Variants in PDZD2 observed in about 807,000 individuals in gnomAD.
PDZD2 encodes PDZ domain containing 2, also known as PDZ domain-containing protein 2.
Under a neutral mutation model 220.7 loss-of-function variants are expected in PDZD2, and 90 were observed. That is an observed-to-expected ratio of 0.41 (90% CI 0.34 to 0.49). The LOEUF (loss-of-function observed/expected upper bound fraction) is 0.49. Among genes scored for constraint, PDZD2 ranks in the 20% least tolerant of loss-of-function variants. The pLI is 0.28. For missense variants in PDZD2, 3,174 were observed against 3,608.5 expected, an observed-to-expected ratio of 0.88 and a Z score of 3.08; for synonymous variants, 1,375 against 1,450.5, an observed-to-expected ratio of 0.95 and a Z score of 1.18.
intron 2 of PDZD2, among the ~76,000 whole-genome samples, chr5:31,837,170 A>G (rs1756996391): frequency 6.6e-6 from 1 of 152,184 alleles, no homozygotes; most frequent in African/African-American, 2.4e-5. Flanking sequence ...CTCAATGAGA[A>G]TATCAGCCTG....
At chr5:32,068,452 A>C (rs1581414706) in intron 14 of PDZD2, among the ~76,000 whole-genome samples, 1 of 152,238 alleles carries the variant, frequency 6.6e-6, no homozygotes, top group African/African-American at 2.4e-5. Flanking sequence ...ACTATTACAT[A>C]GTTCAGCTGA....
chr5:32,002,914 A>C (rs1010067664), intron 5 of PDZD2, among the ~76,000 whole-genome samples: 1 of 93,974 alleles, frequency 1.1e-5, no homozygotes, highest in African/African-American at 4.2e-5. Flanking sequence ...CCCACCACAC[A>C]CACACCACAC....
intron 19 of PDZD2, among the ~76,000 whole-genome samples, chr5:32,082,057 T>C (rs1396985221): frequency 2.1e-5 from 3 of 143,658 alleles, no homozygotes; most frequent in Admixed American, 7.2e-5. Flanking sequence ...AGTCTCCCTC[T>C]GTCACCCAGG....
At chr5:31,851,858 A>AT (rs780980919) in intron 2 of PDZD2, among the ~76,000 whole-genome samples, 12,360 of 147,748 alleles carry the variant, frequency 0.084, 594 homozygotes, top group Middle Eastern at 0.15. Context: ...ATGTGGTCAC[A>AT]TTTTTTTTTT....
chr5:32,094,261 A>G (rs1415232080), intron 21 of PDZD2, among the ~76,000 whole-genome samples: 1 of 152,252 alleles, frequency 6.6e-6, no homozygotes, highest in Non-Finnish European at 1.5e-5. Context: ...CAGTTGTGAC[A>G]ATAAACATTG....
chr5:31,974,325 G>A (rs1338934850), intron 2 of PDZD2, among the ~76,000 whole-genome samples: 1 of 151,862 alleles, frequency 6.6e-6, no homozygotes, highest in East Asian at 1.9e-4. Context: ...CAGGCTGGGC[G>A]ACAGAGTGAG....
intron 1 of PDZD2, among the ~76,000 whole-genome samples, chr5:31,758,526 G>T (rs1482843250): frequency 6.6e-6 from 1 of 152,234 alleles, no homozygotes; most frequent in African/African-American, 2.4e-5. Context: ...AAGAGGGGAG[G>T]AGGGACATGA....
chr5:32,002,916 A>C (rs1043532740), intron 5 of PDZD2, among the ~76,000 whole-genome samples: 3 of 71,840 alleles, frequency 4.2e-5, no homozygotes, highest in African/African-American at 1.7e-4. Context: ...CACCACACAC[A>C]CACCACACAC....
In PDZD2 at chr5:32,073,458, C is replaced by T. The variant is rs571525550; in HGVS notation, c.2726-374C>T. Among the ~76,000 whole-genome samples the T allele has an allele frequency of 4.9e-3, 753 of 152,250 alleles. 5 individuals are homozygous for T. Among genetic ancestry groups the T allele is most frequent in the Non-Finnish European group, 6.0e-3 (410 of 68,020 alleles). ...GGTGTGTGGGACATGTCATCAGTCC[C>T]CAGGCATCCTTCTATGGAGGAATTC... On this transcript the variant is annotated intron_variant, in intron 17 of 24. Coordinates refer to ENST00000438447, the MANE Select transcript of PDZD2 (RefSeq NM_178140.4).
Position 32,090,954 on chromosome 5 carries a change from A to G in PDZD2, c.7506A>G (p.Ser2502=), listed in dbSNP as rs934867173. ...ACAAGCTCTGCAGCGAGGATTACTC[A>G]GCAGGGCCGAGCGCCGTGCTCTTCA... ...DLDKLCSEDY[S]AGPSAVLFKT... The change falls in exon 20 of 25, where the codon TCA becomes TCG. Residue 2502 remains serine (S), a synonymous_variant. Transcript: ENST00000438447. The surrounding 1 kb of genome is among the most constrained non-coding windows in gnomAD (Gnocchi z 4.3). 6.2e-7 allele frequency: 1 copy of G among 1,613,818 alleles called. No homozygotes were observed. The highest frequency in any genetic ancestry group is 8.5e-7 in the Non-Finnish European group (1 of 1,180,010).
chr5:31,858,226 G>T (rs1580912651), intron 2 of PDZD2, among the ~76,000 whole-genome samples: 1 of 152,178 alleles, frequency 6.6e-6, no homozygotes, highest in Non-Finnish European at 1.5e-5. Flanking sequence ...GCCTCCCAAA[G>T]TGCTGGGATT....
chr5:31,799,435 C>T lies in PDZD2; in HGVS notation c.187C>T (p.Pro63Ser). Residue 63 changes from proline (P) to serine (S), a missense_variant, in exon 2 of 25, where the codon CCC (proline) becomes TCC (serine). This residue lies in a region of PDZD2 where 632 missense variants were observed against 708.1 expected (regional missense o/e 0.89). Coordinates refer to ENST00000438447, the MANE Select transcript of PDZD2 (RefSeq NM_178140.4). ...GAGTACGGTCCCACCTGATCACAGC[C>T]CCCCCGAAATGGAGATCTGTACTGT... ...DESTVPPDHS[P>S]PEMEICTVYL... The T allele has an allele frequency of 6.2e-7, 1 of 1,614,174 alleles. No individual in the cohort carries two copies. The highest frequency in any genetic ancestry group is 8.5e-7 in the Non-Finnish European group (1 of 1,180,028).
intron 2 of PDZD2, among the ~76,000 whole-genome samples, chr5:31,808,587 G>A (rs1210622444): frequency 6.6e-6 from 1 of 152,184 alleles, no homozygotes; most frequent in Non-Finnish European, 1.5e-5. Context: ...TCAGGAGGTG[G>A]TTTCCTGGGG....
Position 31,799,331 on chromosome 5 carries a change from A to T in PDZD2, c.83A>T (p.Asp28Val). ...WLQNSLQEGG[D>V]GPEQRLCQAA... ...CAGAACAGCCTGCAGGAAGGTGGGG[A>T]TGGGCCGGAGCAGCGGCTCTGCCAG... The change falls in exon 2 of 25, where the codon GAT (aspartate) becomes GTT (valine). Residue 28 changes from aspartate to valine, a missense_variant. By Grantham distance (152) the Asp-to-Val change is radical. Transcript: ENST00000438447. 6.2e-7 allele frequency: 1 copy of T among 1,614,118 alleles called. No individual in the cohort carries two copies. Among genetic ancestry groups the T allele is most frequent in the Non-Finnish European group, 8.5e-7 (1 of 1,180,018 alleles).
intron 21 of PDZD2, among the ~76,000 whole-genome samples, chr5:32,096,829 A>ATTTTTTTTTT (rs71831480): frequency 4.1e-5 from 4 of 96,832 alleles, no homozygotes; most frequent in Non-Finnish European, 5.6e-5. Flanking sequence ...ATGTACTATG[A>ATTTTTTTTTT]TTTTTTTTTT....
At chr5:31,716,131 A>G (rs1411036883) in intron 1 of PDZD2, among the ~76,000 whole-genome samples, 2 of 152,202 alleles carry the variant, frequency 1.3e-5, no homozygotes, top group Admixed American at 1.3e-4. Flanking sequence ...ATTCAATTTC[A>G]ACATAATGAC....
Position 31,664,642 on chromosome 5 carries a change from T to C in PDZD2, c.-361+25205T>C, listed in dbSNP as rs150418773. 1.3e-3 allele frequency among the ~76,000 whole-genome samples: 193 copies of C among 152,308 alleles called. 2 individuals carry two copies. The highest frequency in any genetic ancestry group is 4.5e-3 in the African/African-American group (185 of 41,566). Reference sequence around the variant, plus strand: ...ATCCTAGGAACAACCGTTTCAAGGTTCTGTTCCCCAGCATGGGTGTCATAC... The same window carrying C: ...ATCCTAGGAACAACCGTTTCAAGGTCCTGTTCCCCAGCATGGGTGTCATAC... On this transcript the variant is annotated intron_variant, in intron 1 of 24. Coordinates refer to ENST00000438447, the MANE Select transcript of PDZD2 (RefSeq NM_178140.4).
chr5:31,915,397 C>T (rs1743593144), intron 2 of PDZD2, among the ~76,000 whole-genome samples: 1 of 152,176 alleles, frequency 6.6e-6, no homozygotes, highest in Non-Finnish European at 1.5e-5. Flanking sequence ...ACAGCAAACC[C>T]TGAGGCCAGG....
In PDZD2 at chr5:32,041,032, C is replaced by T. The variant is rs1490130980; in HGVS notation, c.1519+3690C>T. ...GCCGCCCCGTCTGGGAGGTGAGGGGCGCCTCTGCCCAGCAGCCGCCCCGTC... is the reference window on the plus strand; with the variant it reads ...GCCGCCCCGTCTGGGAGGTGAGGGGTGCCTCTGCCCAGCAGCCGCCCCGTC... On this transcript the variant is annotated intron_variant, in intron 7 of 24. Coordinates refer to ENST00000438447, the MANE Select transcript of PDZD2 (RefSeq NM_178140.4). Among the ~76,000 whole-genome samples, 20 of 138,212 alleles carry T rather than the reference C, an allele frequency of 1.4e-4. 1 individual carries two copies. Among genetic ancestry groups the T allele is most frequent in the African/African-American group, 4.7e-4 (17 of 36,358 alleles). The allele number at this position is 138,212 out of a possible 152,430, so 90.7% of individuals were successfully genotyped here.
Sources: gnomAD v4.1 joint callset for allele counts (sites outside exome capture counted in the v4.1 genomes callset) on GRCh38, gnomAD v4.1.1 for gene constraint, gnomAD v4.1.1 regional missense constraint, Gnocchi (gnomAD v3.1) non-coding constraint, MANE v1.5 for transcripts, NCBI Gene and HGNC (gene_info 2026-07-23, HGNC 2026-07-21) for gene names.